Variants in NMRAL1 observed in about 807,000 individuals in gnomAD.
NMRAL1 encodes the protein NmrA like redox sensor 1, also known as nmrA-like family domain-containing protein 1.
A neutral mutation model predicts 27.5 loss-of-function variants in NMRAL1; 32 were observed. That is an observed-to-expected ratio of 1.16 (90% CI 0.88 to 1.56). NMRAL1 has a LOEUF of 1.56. NMRAL1 is among the 40% of genes most tolerant of loss of function. NMRAL1 has a pLI of 0.00. For missense variants in NMRAL1, 420 were observed against 392.0 expected (o/e 1.07, Z -0.60); for synonymous variants, 166 against 166.8 (o/e 1.00, Z 0.04).
rs143572732 is a variant in NMRAL1 at position 4,463,744 on chromosome 16, G to A, written c.636C>T (p.Ile212=). Residue 212 remains isoleucine, a synonymous_variant, in exon 5 of 6, where the codon ATC becomes ATT. Transcript: ENST00000283429. ...CCGTGTGCCTGCAAGTGCTCAGCCC[G>A]ATGTTCTGGCCGACGTATTTTTCTG... ...KMPEKYVGQN[I]GLSTCRHTAE... 1.4e-5 allele frequency: 22 copies of A among 1,613,958 alleles called. No individual in the cohort carries two copies. The highest frequency in any genetic ancestry group is 2.7e-5 in the African/African-American group (2 of 74,938).
chr16:4,468,126 C>A lies in NMRAL1; in HGVS notation c.279+1101G>T, dbSNP rs1332144591. Among the ~76,000 whole-genome samples, 4 of 151,202 alleles carry A rather than the reference C, an allele frequency of 2.6e-5. No individual in the cohort carries two copies. The East Asian group carries it at 8.0e-4, about 30-fold the overall frequency. Reference sequence around the variant, plus strand: ...ACCAGCTTGACCAACATGGAGAAACCCCGTCTGTACTAAAAATACAAAAAA... The same window carrying A: ...ACCAGCTTGACCAACATGGAGAAACACCGTCTGTACTAAAAATACAAAAAA... On this transcript the variant is annotated intron_variant, in intron 3 of 5. Transcript: ENST00000283429.
At position 4,462,040 on chromosome 16, in the gene NMRAL1, G is replaced by A. The variant is rs2057133646; in HGVS notation, c.721-81C>T. On this transcript the variant is annotated intron_variant, in intron 5 of 5. Coordinates refer to ENST00000283429, the MANE Select transcript of NMRAL1 (RefSeq NM_020677.6). ...GGGGCAGGGAGGCCGGATGGGCTGG[G>A]GTCTCCCGACCTGCTACACCCAGAG... 9.0e-6 allele frequency: 11 copies of A among 1,215,912 alleles called. 1 individual carries two copies. In the South Asian group the frequency reaches 1.4e-4, roughly 15 times the overall value. 75.3% of individuals were successfully genotyped at this position (1,215,912 alleles called of 1,614,324 possible).
intron 2 of NMRAL1, chr16:4,469,667 T>G: frequency 8.9e-7 from 1 of 1,117,822 alleles, no homozygotes; most frequent in Non-Finnish European, 1.2e-6. Flanking sequence ...TGAAGTGCAG[T>G]GGCACGATCT....
chr16:4,476,178 C>T (rs991834114), upstream of NMRAL1: 1 of 152,314 alleles, frequency 6.6e-6, no homozygotes, highest in African/African-American at 2.4e-5. Context: ...CCCTGAGGCA[C>T]CCTCACACAC....
Position 4,461,760 on chromosome 16 carries a change from G to C in NMRAL1, c.*20C>G, listed in dbSNP as rs1291200702. 5.0e-6 allele frequency: 8 copies of C among 1,595,156 alleles called. No individual in the cohort carries two copies. Among genetic ancestry groups the C allele is most frequent in the Non-Finnish European group, 6.8e-6 (8 of 1,170,998 alleles). On this transcript the variant is annotated 3_prime_UTR_variant, in exon 6 of 6. Coordinates refer to ENST00000283429, the MANE Select transcript of NMRAL1 (RefSeq NM_020677.6). Reference sequence around the variant, plus strand: ...CCTCTGGTGCCCCCGATCCCCACAAGGGGCCGCGAGGCGGGCAGGTCACAG... The same window carrying C: ...CCTCTGGTGCCCCCGATCCCCACAACGGGCCGCGAGGCGGGCAGGTCACAG...
intron 3 of NMRAL1, among the ~76,000 whole-genome samples, chr16:4,467,456 A>T (rs1255755703): frequency 6.6e-6 from 1 of 150,600 alleles, no homozygotes; most frequent in Non-Finnish European, 1.5e-5. Flanking sequence ...CTGGTCTTGA[A>T]CTCCTGACCT....
At chr16:4,474,051 C>G (rs1316691365) in intron 2 of NMRAL1, 42 bp downstream of exon 2, 4 of 1,527,118 alleles carry the variant, frequency 2.6e-6, no homozygotes, top group Non-Finnish European at 3.6e-6. Flanking sequence ...CAGGGCTAGG[C>G]GCCCTGGCTC....
At chr16:4,465,247 G>A (rs968706655) in intron 4 of NMRAL1, among the ~76,000 whole-genome samples, 1 of 152,132 alleles carries the variant, frequency 6.6e-6, no homozygotes, top group African/African-American at 2.4e-5. Context: ...GGTACCAAAG[G>A]GCTACTGTTA....
chr16:4,471,795 G>A (rs904774471), intron 2 of NMRAL1, among the ~76,000 whole-genome samples: 4 of 151,872 alleles, frequency 2.6e-5, no homozygotes, highest in Non-Finnish European at 5.9e-5. Context: ...GACTGAGGCC[G>A]GGCACAGTAG....
chr16:4,471,553 AG>A (rs2057565147), intron 2 of NMRAL1: 1 of 148,106 alleles, frequency 6.8e-6, no homozygotes, highest in South Asian at 2.2e-4. Context: ...CAGGAGGTTG[AG>A]GCTGCAGTGA....
chr16:4,462,273 G>T (rs978732800), intron 5 of NMRAL1, among the ~76,000 whole-genome samples: 2 of 152,186 alleles, frequency 1.3e-5, no homozygotes, highest in Non-Finnish European at 2.9e-5. Context: ...GAGGCCAGGA[G>T]TTCGAGACCA....
At chr16:4,470,814 G>A (rs1010798548) in intron 2 of NMRAL1, among the ~76,000 whole-genome samples, 1 of 152,018 alleles carries the variant, frequency 6.6e-6, no homozygotes, top group Admixed American at 6.6e-5. Flanking sequence ...GGGCGTGGTG[G>A]CGGGCGCCTG....
chr16:4,472,033 C>G (rs1487594903), intron 2 of NMRAL1, among the ~76,000 whole-genome samples: 1 of 152,108 alleles, frequency 6.6e-6, no homozygotes, highest in Non-Finnish European at 1.5e-5. Flanking sequence ...GATGATTGAG[C>G]CACTGCACTC....
At chr16:4,469,030 G>A (rs914021111) in intron 3 of NMRAL1, among the ~76,000 whole-genome samples, 197 bp downstream of exon 3, 2 of 150,898 alleles carry the variant, frequency 1.3e-5, no homozygotes, top group Non-Finnish European at 2.9e-5. Context: ...AGACTGAGAC[G>A]GCCTCAAACA....
intron 4 of NMRAL1, chr16:4,464,185 ACT>A (rs1223975895): frequency 5.4e-6 from 2 of 371,828 alleles, no homozygotes; most frequent in Non-Finnish European, 4.8e-6. Flanking sequence ...AAGGAAAAGG[ACT>A]CTGAAAGCTG....
Position 4,469,484 on chromosome 16 carries a change from A to C in NMRAL1, c.41-19T>G. 1 of 1,611,724 alleles carries C rather than the reference A, an allele frequency of 6.2e-7. No individual in the cohort carries two copies. The highest frequency in any genetic ancestry group is 8.5e-7 in the Non-Finnish European group (1 of 1,178,236). ...TGGGCACCTACAAAGAATCAAAAAG[A>C]CCTCTCAGGTCAGACCTACCTGAAA... On this transcript the variant is annotated intron_variant, in intron 2 of 5. Coordinates refer to ENST00000283429, the MANE Select transcript of NMRAL1 (RefSeq NM_020677.6).
chr16:4,467,208 TGAA>T (rs1485197994), intron 3 of NMRAL1: 1 of 152,170 alleles, frequency 6.6e-6, no homozygotes, highest in African/African-American at 2.4e-5. Flanking sequence ...CCAGAAACAG[TGAA>T]GAAGGATTTC....
chr16:4,472,973 C>CT (rs768092791), intron 2 of NMRAL1, among the ~76,000 whole-genome samples: 4,923 of 119,706 alleles, frequency 0.041, 304 homozygotes, highest in African/African-American at 0.12. Context: ...TCATGGAGTT[C>CT]TTTTTTTTTT....
At chr16:4,462,943 C>G (rs964035363) in intron 5 of NMRAL1, among the ~76,000 whole-genome samples, 3 of 151,944 alleles carry the variant, frequency 2.0e-5, no homozygotes, top group Admixed American at 2.0e-4. Context: ...CAAACTCTGC[C>G]TCCTGAGTTC....
Sources: gnomAD v4.1 joint callset for allele counts (sites outside exome capture counted in the v4.1 genomes callset) on GRCh38, gnomAD v4.1.1 for gene constraint, MANE v1.5 for transcripts, NCBI Gene and HGNC (gene_info 2026-07-23, HGNC 2026-07-21) for gene names.